Variants in JAKMIP3 observed in about 807,000 individuals in gnomAD.
JAKMIP3 encodes the protein janus kinase and microtubule-interacting protein 3.
JAKMIP3 carries 58 observed loss-of-function variants against 118.5 expected under a neutral mutation model. The observed-to-expected ratio is 0.49, with a 90% CI of 0.40 to 0.61. The LOEUF is 0.61. JAKMIP3 is among the 20% of genes least tolerant of loss of function. The pLI, the probability that JAKMIP3 is intolerant of heterozygous loss-of-function variation, is 0.00. For synonymous variants in JAKMIP3, 486 were observed against 451.2 expected (o/e 1.08, Z -0.98); for missense variants, 950 against 1,109.0 (o/e 0.86, Z 2.04).
chr10:132,059,195 G>C (rs145914458), intron 1 of JAKMIP3, among the ~76,000 whole-genome samples: 7 of 152,312 alleles, frequency 4.6e-5, no homozygotes, highest in African/African-American at 1.7e-4. Flanking sequence ...CTTTCCTCCC[G>C]CTGAGCTTCC....
chr10:132,099,687 G>A (rs921213986), intron 1 of JAKMIP3, among the ~76,000 whole-genome samples: 1 of 152,206 alleles, frequency 6.6e-6, no homozygotes, highest in African/African-American at 2.4e-5. Flanking sequence ...AAGACGCCAA[G>A]TGCTTTAATG....
At chr10:132,088,157 G>A (rs929566262) in intron 1 of JAKMIP3, among the ~76,000 whole-genome samples, 29 of 152,044 alleles carry the variant, frequency 1.9e-4, no homozygotes, top group Non-Finnish European at 2.8e-4. Context: ...GAATAGTGCC[G>A]CAGTAAACAT....
At chr10:132,067,353 A>C (rs1057197148) in intron 1 of JAKMIP3, among the ~76,000 whole-genome samples, 1 of 152,108 alleles carries the variant, frequency 6.6e-6, no homozygotes, top group Non-Finnish European at 1.5e-5. Context: ...ACCCCTGTGA[A>C]ACCTAAGGGC....
intron 1 of JAKMIP3, among the ~76,000 whole-genome samples, chr10:132,039,861 G>A (rs533070325): frequency 6.6e-6 from 1 of 152,248 alleles, no homozygotes; most frequent in Non-Finnish European, 1.5e-5. Flanking sequence ...GCCTCTGCAA[G>A]TCACGCTGTG....
rs142383956 is a variant in JAKMIP3, at chr10:132,039,340, C to T, written c.-138+2602C>T. 2.0e-3 allele frequency among the ~76,000 whole-genome samples: 310 copies of T among 152,024 alleles called. 1 individual carries two copies. The highest frequency in any genetic ancestry group is 6.9e-3 in the African/African-American group (288 of 41,466). ...GAACTTAGTCACCTCAGCTTGGGCC[C>T]GGATCCCACACCAGGCCCCCGTCTG... On this transcript the variant is annotated intron_variant, in intron 1 of 23. Transcript: ENST00000657785.
In JAKMIP3 at chr10:132,112,629, C is replaced by T. The variant is rs1283898682; in HGVS notation, c.136-4448C>T. The stretch of plus-strand genomic sequence containing the variant: ...CATTTTAAAGAAGTCTCCTGCCTTC[C>T]CCTGGGGACTGTCTGCTTATTACTG... On this transcript the variant is annotated intron_variant, in intron 2 of 23. Transcript: ENST00000684848. The surrounding 1 kb of genome is among the most constrained non-coding windows in gnomAD (Gnocchi z 4.3). Among the ~76,000 whole-genome samples the T allele has an allele frequency of 1.3e-5, 2 of 152,164 alleles. No individual in the cohort carries two copies. Among genetic ancestry groups the T allele is most frequent in the African/African-American group, 2.4e-5 (1 of 41,426 alleles).
chr10:132,120,313 G>C (rs948095054), intron 3 of JAKMIP3, among the ~76,000 whole-genome samples: 1 of 152,148 alleles, frequency 6.6e-6, no homozygotes, highest in African/African-American at 2.4e-5. Context: ...TGGGTCCTGC[G>C]GGGGAGGGAT....
chr10:132,048,993 T>C (rs1171379472), intron 1 of JAKMIP3, among the ~76,000 whole-genome samples: 3 of 152,116 alleles, frequency 2.0e-5, no homozygotes, highest in African/African-American at 7.2e-5. Flanking sequence ...GTGGAGCTTT[T>C]TTTTTTTCTT....
chr10:132,109,021 A>G (rs937721062), intron 2 of JAKMIP3, among the ~76,000 whole-genome samples: 3 of 149,322 alleles, frequency 2.0e-5, no homozygotes, highest in Non-Finnish European at 4.4e-5. Context: ...ATATATGTAT[A>G]CAAATTATAT....
At chr10:132,038,946 G>C (rs2037617170) in intron 1 of JAKMIP3, among the ~76,000 whole-genome samples, 1 of 152,186 alleles carries the variant, frequency 6.6e-6, no homozygotes. Flanking sequence ...GGATGGGCTG[G>C]GAAGAGCTGC....
intron 1 of JAKMIP3, among the ~76,000 whole-genome samples, chr10:132,054,326 A>G (rs1012434530): frequency 2.6e-5 from 4 of 151,956 alleles, no homozygotes; most frequent in East Asian, 1.9e-4. Context: ...AATAACTTCA[A>G]TTTACCAAGA....
chr10:132,109,069 C>CAT (rs1428730378), intron 2 of JAKMIP3, among the ~76,000 whole-genome samples: 7 of 1,334 alleles, frequency 5.2e-3, no homozygotes, highest in Admixed American at 0.03. Context: ...CACATATACA[C>CAT]ACATACACAT....
intron 12 of JAKMIP3, 28 bp from the exon 13 acceptor site, chr10:132,145,490 C>T: frequency 6.5e-7 from 1 of 1,545,138 alleles, no homozygotes; most frequent in South Asian, 1.2e-5. Context: ...CCCTCAGTGT[C>T]TTTATTTCTT....
intron 1 of JAKMIP3, among the ~76,000 whole-genome samples, chr10:132,040,934 A>T (rs184410010): frequency 2.0e-5 from 3 of 152,162 alleles, no homozygotes; most frequent in African/African-American, 7.2e-5. Flanking sequence ...ATCATGCAGT[A>T]CTCGATTTTC....
intron 2 of JAKMIP3, among the ~76,000 whole-genome samples, chr10:132,111,789 T>C (rs1006292051): frequency 1.3e-5 from 2 of 152,102 alleles, no homozygotes; most frequent in Non-Finnish European, 2.9e-5. Context: ...TATGTTTATA[T>C]ATTTAAAATA....
intron 3 of JAKMIP3, among the ~76,000 whole-genome samples, chr10:132,125,551 C>G (rs2135521494): frequency 6.6e-6 from 1 of 152,348 alleles, no homozygotes; most frequent in South Asian, 2.1e-4. Flanking sequence ...TACCGCTTTT[C>G]TGTATGAAAC....
At chr10:132,129,354 C>T (rs1371395252) in intron 3 of JAKMIP3, among the ~76,000 whole-genome samples, 2 of 152,168 alleles carry the variant, frequency 1.3e-5, no homozygotes, top group Admixed American at 6.5e-5. Context: ...ACTTACCATT[C>T]GGACTCTCAG....
chr10:132,139,356 A>G (rs1021905607), intron 9 of JAKMIP3, among the ~76,000 whole-genome samples: 4 of 136,852 alleles, frequency 2.9e-5, no homozygotes, highest in Non-Finnish European at 6.3e-5. Context: ...ATGTGAGTGT[A>G]TATGCGTCTG....
upstream of JAKMIP3, among the ~76,000 whole-genome samples, chr10:132,060,404 A>G (rs998334633): frequency 1.4e-4 from 22 of 152,308 alleles, no homozygotes; most frequent in Admixed American, 8.5e-4. Flanking sequence ...TAGGAGATGC[A>G]GAGAAAGCGC....
Sources: gnomAD v4.1 joint callset for allele counts (sites outside exome capture counted in the v4.1 genomes callset) on GRCh38, gnomAD v4.1.1 for gene constraint, Gnocchi (gnomAD v3.1) non-coding constraint, MANE v1.5 for transcripts, NCBI Gene and HGNC (gene_info 2026-07-23, HGNC 2026-07-21) for gene names.